Variants in ITGA8 observed in about 807,000 individuals in gnomAD.
ITGA8 encodes integrin alpha-8.
ITGA8 carries 91 observed loss-of-function variants against 142.3 expected under a neutral mutation model. That is an observed-to-expected ratio of 0.64 (90% CI 0.54 to 0.76). The LOEUF (loss-of-function observed/expected upper bound fraction) is 0.76. Ranked by LOEUF, ITGA8 falls within the 30% of genes least tolerant of loss-of-function variation. ITGA8 has a pLI of 0.00. For synonymous variants in ITGA8, 505 were observed against 485.2 expected (o/e 1.04, Z -0.54); for missense variants, 1,406 against 1,327.7 (o/e 1.06, Z -0.92).
chr10:15,548,289 T>C (rs1311030711), intron 27 of ITGA8, among the ~76,000 whole-genome samples, 166 bp downstream of exon 27: 1 of 152,134 alleles, frequency 6.6e-6, no homozygotes, highest in Non-Finnish European at 1.5e-5. Flanking sequence ...ATGGGTTTTT[T>C]ACCATGTAGG....
At chr10:15,655,942 G>A (rs557022229) in intron 10 of ITGA8, among the ~76,000 whole-genome samples, 1 of 152,254 alleles carries the variant, frequency 6.6e-6, no homozygotes, top group African/African-American at 2.4e-5. Flanking sequence ...AACAGAATTA[G>A]CAGGGCATGG....
intron 23 of ITGA8, 82 bp from the exon 24 acceptor site, chr10:15,575,676 G>T: frequency 9.2e-7 from 1 of 1,089,758 alleles, no homozygotes; most frequent in Non-Finnish European, 1.4e-6. Flanking sequence ...ACTAACAGAA[G>T]CAGAAGAAAG....
rs561355687 is a variant in ITGA8 at position 15,642,726 on chromosome 10, C to G, written c.1399+1304G>C. ...CAAATCCACTTTGAGCCCACTATGA[C>G]GTCTCCATTAGTGTCATAAAAGGTT... On this transcript the variant is annotated intron_variant, in intron 13 of 29. Transcript: ENST00000378076. 2.6e-5 allele frequency among the ~76,000 whole-genome samples: 4 copies of G among 152,288 alleles called. No homozygotes were observed. The East Asian group carries it at 7.7e-4, about 29-fold the overall frequency.
At chr10:15,694,390 C>CAGATAATAT (rs1564412544) in intron 2 of ITGA8, among the ~76,000 whole-genome samples, 4 of 130,734 alleles carry the variant, frequency 3.1e-5, no homozygotes, top group African/African-American at 1.2e-4. Flanking sequence ...TAATATATCA[C>CAGATAATAT]ATATCAGATA....
intron 8 of ITGA8, among the ~76,000 whole-genome samples, chr10:15,663,806 G>A (rs1834335065): frequency 6.6e-6 from 1 of 152,062 alleles, no homozygotes. Flanking sequence ...CTGAGCTCAA[G>A]CAATTCTCCC....
chr10:15,593,159 G>A (rs972295770), intron 21 of ITGA8, among the ~76,000 whole-genome samples: 5 of 152,078 alleles, frequency 3.3e-5, no homozygotes, highest in Admixed American at 6.6e-5. Flanking sequence ...TTCTAGTTGA[G>A]GTTACAGTTA....
intron 13 of ITGA8, among the ~76,000 whole-genome samples, chr10:15,622,359 C>CTT (rs5783460): frequency 2.6e-5 from 4 of 151,516 alleles, no homozygotes; most frequent in Middle Eastern, 3.4e-3. Flanking sequence ...TGGACATCTT[C>CTT]TTTTTTTTGG....
At chr10:15,645,744 C>T (rs1418610868) in intron 12 of ITGA8, among the ~76,000 whole-genome samples, 1 of 152,104 alleles carries the variant, frequency 6.6e-6, no homozygotes, top group African/African-American at 2.4e-5. Context: ...TCACTATGCT[C>T]GGTTCTTAAC....
At chr10:15,548,928 C>T (rs944779173) in intron 26 of ITGA8, among the ~76,000 whole-genome samples, 5 of 152,164 alleles carry the variant, frequency 3.3e-5, no homozygotes, top group African/African-American at 1.2e-4. Context: ...CAGAGGAAGA[C>T]TCTTGAGCCT....
At chr10:15,592,435 C>T (rs9333173) in intron 21 of ITGA8, 131 bp from the exon 22 acceptor site, 1 of 680,070 alleles carries the variant, frequency 1.5e-6, no homozygotes, top group South Asian at 2.0e-5. Flanking sequence ...CCCCAGGTGG[C>T]TGAGAGCCAA....
intron 6 of ITGA8, 94 bp from the exon 7 acceptor site, chr10:15,672,843 T>A: frequency 7.5e-7 from 1 of 1,336,548 alleles, no homozygotes; most frequent in Non-Finnish European, 9.9e-7. Context: ...TATGGTGGAA[T>A]TGCTTGCTTT....
intron 2 of ITGA8, among the ~76,000 whole-genome samples, chr10:15,705,680 A>G (rs999767914): frequency 1.4e-4 from 22 of 152,134 alleles, no homozygotes; most frequent in African/African-American, 5.1e-4. Flanking sequence ...ACTCTCTCCC[A>G]TTGGCTATCT....
At chr10:15,612,836 A>G (rs1425854356) in intron 15 of ITGA8, among the ~76,000 whole-genome samples, 1 of 152,250 alleles carries the variant, frequency 6.6e-6, no homozygotes, top group Non-Finnish European at 1.5e-5. Context: ...TAGAAAACCC[A>G]GTAAATTAAC....
At position 15,527,906 on chromosome 10, in the gene ITGA8, C is replaced by T. The variant is rs530035481; in HGVS notation, c.2982+3144G>A. On this transcript the variant is annotated intron_variant, in intron 28 of 29. Transcript: ENST00000378076. ...TTAAAGCAATTCCCTTTCGGCTGGG[C>T]TTTTTTTTTTTTTTTTTTTTTTTTT... 1.2e-3 allele frequency among the ~76,000 whole-genome samples: 90 copies of T among 77,970 alleles called. 5 individuals carry two copies. Among genetic ancestry groups the T allele is most frequent in the African/African-American group, 2.1e-3 (39 of 18,988 alleles). 51.2% of individuals were successfully genotyped at this position (77,970 alleles called of 152,430 possible). A position where few individuals can be genotyped will look rare whatever the true frequency, so the allele number is the denominator to read the frequency against.
intron 3 of ITGA8, among the ~76,000 whole-genome samples, chr10:15,684,944 G>A (rs563495234): frequency 2.0e-5 from 3 of 152,270 alleles, no homozygotes; most frequent in East Asian, 3.9e-4. Context: ...CACGGAAGCC[G>A]CATCTTATGA....
At position 15,660,864 on chromosome 10, in the gene ITGA8, A is replaced by T. The variant is rs372587930; in HGVS notation, c.891+15T>A. The T allele has an allele frequency of 1.9e-6, 3 of 1,607,900 alleles. No individual in the cohort carries two copies. The highest frequency in any genetic ancestry group is 3.3e-4 in the Middle Eastern group (2 of 6,076). ...AGAAAATACCCTATTCCTGTAATGC[A>T]TTCTCAGTACTCACATATCCAAAAT... On this transcript the variant is annotated intron_variant, in intron 9 of 29. Coordinates refer to ENST00000378076, the MANE Select transcript of ITGA8 (RefSeq NM_003638.3).
intron 24 of ITGA8, among the ~76,000 whole-genome samples, chr10:15,574,388 T>C (rs966501979): frequency 2.6e-5 from 4 of 152,300 alleles, no homozygotes; most frequent in Non-Finnish European, 5.9e-5. Context: ...TCATATATTA[T>C]ATGTGCTTTT....
intron 28 of ITGA8, among the ~76,000 whole-genome samples, chr10:15,527,679 C>T (rs1833201031): frequency 6.6e-6 from 1 of 152,088 alleles, no homozygotes; most frequent in African/African-American, 2.4e-5. Flanking sequence ...ATAAGTAAAG[C>T]TAATACGGGC....
chr10:15,656,126 G>A (rs1295062729), intron 10 of ITGA8, among the ~76,000 whole-genome samples: 1 of 152,106 alleles, frequency 6.6e-6, no homozygotes, highest in African/African-American at 2.4e-5. Flanking sequence ...CAAACTCTCT[G>A]TGTTAGAGAT....
Sources: allele counts gnomAD v4.1 joint callset (sites outside exome capture counted in the v4.1 genomes callset), GRCh38; gene constraint gnomAD v4.1.1; transcripts MANE v1.5; gene names NCBI Gene and HGNC (gene_info 2026-07-23, HGNC 2026-07-21).